MACROD1: variants seen among roughly 807,000 people sequenced by gnomAD.
The protein encoded by MACROD1 is mono-ADP ribosylhydrolase 1, also known as ADP-ribose glycohydrolase MACROD1.
Under a neutral mutation model 41.4 loss-of-function variants are expected in MACROD1, and 31 were observed. The observed-to-expected ratio is 0.75, with a 90% confidence interval of 0.56 to 1.01. MACROD1 has a LOEUF of 1.01. MACROD1 is among the 50% of genes least tolerant of loss of function. MACROD1 has a pLI of 0.00. For synonymous variants in MACROD1, 252 were observed against 203.4 expected (o/e 1.24, Z -2.03); for missense variants, 473 against 460.0 (o/e 1.03, Z -0.26).
chr11:64,081,023 CTTATT>C (rs1486378737), intron 3 of MACROD1, among the ~76,000 whole-genome samples: 2 of 152,154 alleles, frequency 1.3e-5, no homozygotes, highest in Admixed American at 6.5e-5. Flanking sequence ...GGTTACACTT[CTTATT>C]TTATTTATTT....
At chr11:64,102,250 C>T (rs1024155569) in intron 3 of MACROD1, among the ~76,000 whole-genome samples, 8 of 152,282 alleles carry the variant, frequency 5.3e-5, no homozygotes, top group South Asian at 2.1e-4. Flanking sequence ...TTCCACATGC[C>T]GCACTAATGA....
chr11:64,105,941 A>T (rs1944755347), intron 3 of MACROD1, among the ~76,000 whole-genome samples: 1 of 95,630 alleles, frequency 1.0e-5, no homozygotes, highest in Admixed American at 1.7e-4. Flanking sequence ...CAGGGTCCTG[A>T]GTGGTGGGTT....
intron 3 of MACROD1, among the ~76,000 whole-genome samples, chr11:64,071,142 C>T (rs575066294): frequency 1.3e-5 from 2 of 152,246 alleles, no homozygotes; most frequent in African/African-American, 4.8e-5. Flanking sequence ...ACTCATCCTT[C>T]CCCAGAGCCC....
At chr11:64,013,558 G>A (rs1295208222) in intron 4 of MACROD1, among the ~76,000 whole-genome samples, 1 of 152,200 alleles carries the variant, frequency 6.6e-6, no homozygotes, top group Non-Finnish European at 1.5e-5. Flanking sequence ...GACCTAACGG[G>A]CCATGCTAAG....
At chr11:64,131,286 C>A (rs772211691) in intron 3 of MACROD1, among the ~76,000 whole-genome samples, 11 of 152,190 alleles carry the variant, frequency 7.2e-5, no homozygotes, top group Non-Finnish European at 1.3e-4. Context: ...GGCTTTAAGA[C>A]CCTCACCCCA....
Position 64,140,377 on chromosome 11 carries a change from C to A in MACROD1, c.517+10862G>T, listed in dbSNP as rs544698475. On this transcript the variant is annotated intron_variant, in intron 3 of 10. Coordinates refer to ENST00000255681, the MANE Select transcript of MACROD1 (RefSeq NM_014067.4). ...GGTCAGGAAGCCCATCCAAGAGACTCTGGCAGTCAGGAGAGGGCCGTCCCC... is the reference window on the plus strand; with the variant it reads ...GGTCAGGAAGCCCATCCAAGAGACTATGGCAGTCAGGAGAGGGCCGTCCCC... Among the ~76,000 whole-genome samples the A allele has an allele frequency of 2.0e-5, 3 of 152,384 alleles. No individual in the cohort carries two copies. In the East Asian group the frequency reaches 5.8e-4, roughly 29 times the overall value.
chr11:64,111,741 A>T (rs370492852), intron 3 of MACROD1, among the ~76,000 whole-genome samples: 35 of 152,244 alleles, frequency 2.3e-4, no homozygotes, highest in Non-Finnish European at 4.7e-4. Context: ...CTAGCTCTGC[A>T]TGCTGTCCTG....
At chr11:64,161,044 G>A (rs1662932952) in intron 1 of MACROD1, among the ~76,000 whole-genome samples, 2 of 152,120 alleles carry the variant, frequency 1.3e-5, no homozygotes, top group South Asian at 4.1e-4. Context: ...GGTGGCGGGT[G>A]CCTGTAATCC....
chr11:64,111,641 C>T (rs55957235), intron 3 of MACROD1, among the ~76,000 whole-genome samples: 1 of 152,140 alleles, frequency 6.6e-6, no homozygotes, highest in Non-Finnish European at 1.5e-5. Flanking sequence ...AACCTCTGCA[C>T]CCTTGCCTGT....
At chr11:64,001,736 CAGGGCGAGGCTG>C (rs1942829291) in intron 4 of MACROD1, 1 of 702,176 alleles carries the variant, frequency 1.4e-6, no homozygotes, top group South Asian at 1.5e-5. Context: ...AGCTGTAGCC[CAGGGCGAGGCTG>C]AGATGGAGCA....
intron 3 of MACROD1, among the ~76,000 whole-genome samples, chr11:64,043,377 C>G (rs1052387924): frequency 2.6e-5 from 4 of 152,220 alleles, no homozygotes; most frequent in African/African-American, 9.6e-5. Flanking sequence ...TGGGGCACTG[C>G]TGAGCCCCGA....
intron 4 of MACROD1, among the ~76,000 whole-genome samples, chr11:64,005,444 CT>C (rs1565191177): frequency 6.6e-6 from 1 of 152,256 alleles, no homozygotes. Flanking sequence ...GCTCTTGCCC[CT>C]GGCCCCCACC....
intron 3 of MACROD1, among the ~76,000 whole-genome samples, chr11:64,149,505 C>T (rs945910989): frequency 3.3e-5 from 5 of 152,328 alleles, no homozygotes; most frequent in South Asian, 2.1e-4. Flanking sequence ...GTGTTAATCA[C>T]GCCCACAGCC....
chr11:64,074,582 A>G (rs1944168278), intron 3 of MACROD1, among the ~76,000 whole-genome samples: 1 of 152,182 alleles, frequency 6.6e-6, no homozygotes, highest in African/African-American at 2.4e-5. Context: ...ATGTCCCCGC[A>G]GGCCCTCCGT....
intron 3 of MACROD1, among the ~76,000 whole-genome samples, chr11:64,085,383 C>CGGCG (rs1352224513): frequency 2.0e-5 from 3 of 152,310 alleles, no homozygotes; most frequent in Admixed American, 1.3e-4. Context: ...TCTCTGGGGG[C>CGGCG]GGCGGGCTGC....
intron 3 of MACROD1, among the ~76,000 whole-genome samples, chr11:64,048,839 G>A (rs1387204760): frequency 6.6e-6 from 1 of 152,202 alleles, no homozygotes. Context: ...ACCCGAGGTG[G>A]GCCAGGCACC....
At chr11:64,127,907 G>A (rs1451138862) in intron 3 of MACROD1, among the ~76,000 whole-genome samples, 1 of 152,168 alleles carries the variant, frequency 6.6e-6, no homozygotes. Flanking sequence ...GGGACAGGAA[G>A]GAACAAAATT....
chr11:64,083,878 G>A (rs1003964093), intron 3 of MACROD1, among the ~76,000 whole-genome samples: 3 of 152,236 alleles, frequency 2.0e-5, no homozygotes, highest in Admixed American at 6.5e-5. Flanking sequence ...GGTGCTGGGC[G>A]AGTGTGAGCA....
intron 3 of MACROD1, chr11:64,081,842 C>T (rs761112763): frequency 6.6e-6 from 1 of 152,156 alleles, no homozygotes; most frequent in Non-Finnish European, 1.5e-5. Context: ...AATTCACAGA[C>T]ATGAAGACTG....
Sources: gnomAD v4.1 joint callset for allele counts (sites outside exome capture counted in the v4.1 genomes callset) on GRCh38, gnomAD v4.1.1 for gene constraint, MANE v1.5 for transcripts, NCBI Gene and HGNC (gene_info 2026-07-23, HGNC 2026-07-21) for gene names.